CXCR5: variants seen among roughly 807,000 people sequenced by gnomAD.
CXCR5 encodes the protein C-X-C chemokine receptor type 5.
In CXCR5, 3 loss-of-function variants were observed where a neutral mutation model predicts 5.6. The ratio of observed to expected loss-of-function variants is 0.54; its 90% confidence interval spans 0.24 to 1.39. The LOEUF is 1.39. Among genes scored for constraint, CXCR5 ranks in the 40% most tolerant of loss-of-function variants. CXCR5 has a pLI of 0.16. For synonymous variants in CXCR5, 218 were observed against 219.9 expected (o/e 0.99, Z 0.08); for missense variants, 333 against 494.6 (o/e 0.67, Z 3.10).
chr11:118,884,706 A>G (rs1439647378), intron 1 of CXCR5, among the ~76,000 whole-genome samples: 1 of 152,170 alleles, frequency 6.6e-6, no homozygotes, highest in African/African-American at 2.4e-5. Context: ...ATTCTTGGAA[A>G]GGTTTCTTGG....
Position 118,894,799 on chromosome 11 carries a change from T to G in CXCR5, c.*136T>G. The G allele has an allele frequency of 1.3e-6, 1 of 776,964 alleles. No individual in the cohort carries two copies. Among genetic ancestry groups the G allele is most frequent in the South Asian group, 4.4e-5 (1 of 22,712 alleles). 48.1% of individuals were successfully genotyped at this position (776,964 alleles called of 1,614,324 possible). On this transcript the variant is annotated 3_prime_UTR_variant, in exon 2 of 2. Transcript: ENST00000292174. This position sits in a 1 kb window ranked among gnomAD's most constrained non-coding sequence, Gnocchi z 6.1. ...TAGGAGTATCCTCATTTGGGGTAGC[T>G]AGAGGAACCAACCCCCATTTCTAGA...
Position 118,893,013 on chromosome 11 carries a change from G to A in CXCR5, c.52-583G>A, listed in dbSNP as rs2137658863. ...TTTAGCAAGACACATCTGTGAAATA[G>A]GAATAATATTACATACCTTGAGCGG... On this transcript the variant is annotated intron_variant, in intron 1 of 1. Coordinates refer to ENST00000292174, the MANE Select transcript of CXCR5 (RefSeq NM_001716.5). This position sits in a 1 kb window ranked among gnomAD's most constrained non-coding sequence, Gnocchi z 5.7. Among the ~76,000 whole-genome samples, 1 of 152,306 alleles carries A rather than the reference G, an allele frequency of 6.6e-6. No individual in the cohort carries two copies. Among genetic ancestry groups the A allele is most frequent in the Non-Finnish European group, 1.5e-5 (1 of 68,030 alleles).
At position 118,894,006 on chromosome 11, in the gene CXCR5, C is replaced by A. The variant is rs372433399; in HGVS notation, c.462C>A (p.Ala154=). The A allele has an allele frequency of 1.9e-5, 31 of 1,613,684 alleles. No homozygotes were observed. Among genetic ancestry groups the A allele is most frequent in the Non-Finnish European group, 2.6e-5 (31 of 1,180,022 alleles). ...AVDRYLAIVH[A]VHAYRHRRLL... is the part of the protein sequence containing the mutation. ...ACCGCTACCTGGCCATTGTCCACGC[C>A]GTCCATGCCTACCGCCACCGCCGCC... The change falls in exon 2 of 2, where the codon GCC becomes GCA. Residue 154 remains alanine (A), a synonymous_variant. Transcript: ENST00000292174. This position sits in a 1 kb window ranked among gnomAD's most constrained non-coding sequence, Gnocchi z 6.1.
intron 1 of CXCR5, among the ~76,000 whole-genome samples, chr11:118,892,047 G>A (rs1036224866): frequency 3.3e-5 from 5 of 152,156 alleles, no homozygotes; most frequent in African/African-American, 1.2e-4. Flanking sequence ...AGGTGGACAG[G>A]AGTAGAGAAG....
At chr11:118,887,297 TG>T in intron 1 of CXCR5, 1 of 985,376 alleles carries the variant, frequency 1.0e-6, no homozygotes, top group Non-Finnish European at 1.2e-6. Flanking sequence ...TCAAGAGTGG[TG>T]GGGAAAAATA....
Position 118,894,904 on chromosome 11 carries a change from A to C in CXCR5, c.*241A>C. ...GGAAAGCAGCTCAAAGGCACAGTGA[A>C]GGCTGTCCTTACCCATCTGCACCCC... On this transcript the variant is annotated 3_prime_UTR_variant, in exon 2 of 2. Transcript: ENST00000292174. The surrounding 1 kb of genome is among the most constrained non-coding windows in gnomAD (Gnocchi z 6.1). 1 of 445,752 alleles carries C rather than the reference A, an allele frequency of 2.2e-6. No homozygotes were observed. Among genetic ancestry groups the C allele is most frequent in the Non-Finnish European group, 4.1e-6 (1 of 245,262 alleles). The allele number at this position is 445,752 out of a possible 1,614,324, so 27.6% of individuals were successfully genotyped here.
rs1485352888 is a variant in CXCR5, at chr11:118,894,397, G to A, written c.853G>A (p.Ala285Thr). 1 of 1,614,214 alleles carries A rather than the reference G, an allele frequency of 6.2e-7. No homozygotes were observed. Among genetic ancestry groups the A allele is most frequent in the Non-Finnish European group, 8.5e-7 (1 of 1,180,034 alleles). Reference sequence around the variant, plus strand: ...CATCGTCATCTTCCTGGACACCCTGGCGAGGCTGAAGGCCGTGGACAATAC... The same window carrying A: ...CATCGTCATCTTCCTGGACACCCTGACGAGGCTGAAGGCCGTGGACAATAC... ...YHIVIFLDTL[A>T]RLKAVDNTCK... The change falls in exon 2 of 2, where the codon GCG becomes ACG. Residue 285 changes from alanine to threonine, a missense_variant. By Grantham distance (58) the Ala-to-Thr change is moderately conservative. Transcript: ENST00000292174. The surrounding 1 kb of genome is among the most constrained non-coding windows in gnomAD (Gnocchi z 6.1).
At chr11:118,887,704 G>C (rs1939736353) in intron 1 of CXCR5, 1 of 152,562 alleles carries the variant, frequency 6.6e-6, no homozygotes, top group Non-Finnish European at 1.5e-5. Context: ...CCACAGCCCA[G>C]TCTCATTTCT....
chr11:118,894,173 C>A lies in CXCR5; in HGVS notation c.629C>A (p.Ala210Glu). Residue 210 changes from alanine (A) to glutamate (E), a missense_variant, in exon 2 of 2, where the codon GCA (alanine) becomes GAA (glutamate). By Grantham distance (107) the Ala-to-Glu change is moderately radical (BLOSUM62 -1). Coordinates refer to ENST00000292174, the MANE Select transcript of CXCR5 (RefSeq NM_001716.5). The surrounding 1 kb of genome is among the most constrained non-coding windows in gnomAD (Gnocchi z 6.1). ...PRCTFSQENQ[A>E]ETHAWFTSRF... Reference sequence around the variant, plus strand: ...TGCACCTTCTCCCAAGAGAACCAAGCAGAAACGCATGCCTGGTTCACCTCC... The same window carrying A: ...TGCACCTTCTCCCAAGAGAACCAAGAAGAAACGCATGCCTGGTTCACCTCC... 2 of 1,614,092 alleles carry A rather than the reference C, an allele frequency of 1.2e-6. No individual in the cohort carries two copies. Among genetic ancestry groups the A allele is most frequent in the Non-Finnish European group, 1.7e-6 (2 of 1,180,042 alleles).
chr11:118,890,510 T>C (rs1027274315), intron 1 of CXCR5, among the ~76,000 whole-genome samples: 3 of 151,498 alleles, frequency 2.0e-5, no homozygotes, highest in Non-Finnish European at 2.9e-5. Context: ...GGGTGGAAAT[T>C]AGGCAAATTT....
chr11:118,889,446 T>C (rs1268811803), intron 1 of CXCR5, among the ~76,000 whole-genome samples: 1 of 152,202 alleles, frequency 6.6e-6, no homozygotes, highest in African/African-American at 2.4e-5. Flanking sequence ...TGCCCTGTGC[T>C]CCCTCTGGGC....
In CXCR5 at chr11:118,894,653, C is replaced by G. The variant is rs1939872873; in HGVS notation, c.1109C>G (p.Thr370Ser). ...LSESENATSL[T>S]TF ...GAGTCAGAGAATGCCACCTCTCTCACCACGTTCTAGGTCCCAGTGTCCCCT... is the reference window on the plus strand; with the variant it reads ...GAGTCAGAGAATGCCACCTCTCTCAGCACGTTCTAGGTCCCAGTGTCCCCT... Residue 370 changes from threonine to serine, a missense_variant, in exon 2 of 2, where the codon ACC (threonine) becomes AGC (serine). Physicochemically the swap from Thr to Ser is moderately conservative, Grantham distance 58. Transcript: ENST00000292174. The surrounding 1 kb of genome is among the most constrained non-coding windows in gnomAD (Gnocchi z 6.1). The G allele has an allele frequency of 4.0e-6, 6 of 1,511,232 alleles. No individual in the cohort carries two copies. The East Asian group carries it at 1.4e-4, about 34-fold the overall frequency. 93.6% of individuals were successfully genotyped at this position (1,511,232 alleles called of 1,614,324 possible).
At chr11:118,885,662 C>G (rs1939700138) in intron 1 of CXCR5, among the ~76,000 whole-genome samples, 1 of 152,338 alleles carries the variant, frequency 6.6e-6, no homozygotes, top group Admixed American at 6.5e-5. Flanking sequence ...CGGGTCCCAG[C>G]TTCTGAGAAA....
chr11:118,894,699 G>A lies in CXCR5; in HGVS notation c.*36G>A. On this transcript the variant is annotated 3_prime_UTR_variant, in exon 2 of 2. Transcript: ENST00000292174. The surrounding 1 kb of genome is among the most constrained non-coding windows in gnomAD (Gnocchi z 6.1). ...CCCCTTTTATTGCTGCTTTTCCTTG[G>A]GGCAGGCAGTGATGCTGGATGCTCC... 6.7e-7 allele frequency: 1 copy of A among 1,501,434 alleles called. No homozygotes were observed. Among genetic ancestry groups the A allele is most frequent in the Non-Finnish European group, 8.9e-7 (1 of 1,126,084 alleles). 93.0% of individuals were successfully genotyped at this position (1,501,434 alleles called of 1,614,324 possible).
At position 118,891,640 on chromosome 11, in the gene CXCR5, G is replaced by A. The variant is rs542663382; in HGVS notation, c.52-1956G>A. Among the ~76,000 whole-genome samples, 306 of 152,066 alleles carry A rather than the reference G, an allele frequency of 2.0e-3. 1 individual carries two copies. Among genetic ancestry groups the A allele is most frequent in the Non-Finnish European group, 3.1e-3 (213 of 67,968 alleles). On this transcript the variant is annotated intron_variant, in intron 1 of 1. Coordinates refer to ENST00000292174, the MANE Select transcript of CXCR5 (RefSeq NM_001716.5). ...TCCCACCACTTTGGGAGGCCGAGGC[G>A]GGGGGATCACTTGAGGTCAGGAGTT...
chr11:118,884,864 C>T (rs1391967028), intron 1 of CXCR5, among the ~76,000 whole-genome samples: 1 of 152,072 alleles, frequency 6.6e-6, no homozygotes, highest in Non-Finnish European at 1.5e-5. Context: ...ACACAGGGTT[C>T]CTTGTGAGCC....
chr11:118,889,750 C>G (rs1428016487), intron 1 of CXCR5, among the ~76,000 whole-genome samples: 1 of 152,168 alleles, frequency 6.6e-6, no homozygotes, highest in Admixed American at 6.5e-5. Flanking sequence ...AGACAAATAC[C>G]TCTTGGCAAG....
intron 1 of CXCR5, among the ~76,000 whole-genome samples, chr11:118,888,585 C>T (rs1051680836): frequency 2.0e-5 from 3 of 152,218 alleles, no homozygotes; most frequent in Non-Finnish European, 4.4e-5. Context: ...AGTGGCCCTT[C>T]GGCTGGCCAC....
At chr11:118,892,314 G>A (rs2137658086) in intron 1 of CXCR5, among the ~76,000 whole-genome samples, 1 of 152,302 alleles carries the variant, frequency 6.6e-6, no homozygotes, top group Non-Finnish European at 1.5e-5. Flanking sequence ...GCTCCTGAGA[G>A]GCAAGAAAGC....
Sources: allele counts gnomAD v4.1 joint callset (sites outside exome capture counted in the v4.1 genomes callset), GRCh38; gene constraint gnomAD v4.1.1; non-coding constraint Gnocchi (gnomAD v3.1); transcripts MANE v1.5; gene names NCBI Gene and HGNC (gene_info 2026-07-23, HGNC 2026-07-21).